TTC7A: variants seen among roughly 807,000 people sequenced by gnomAD.
TTC7A encodes the protein tetratricopeptide repeat protein 7A.
A neutral mutation model predicts 103.7 loss-of-function variants in TTC7A; 110 were observed. The observed-to-expected ratio is 1.06, with a 90% CI of 0.91 to 1.24. The LOEUF is 1.24. Among genes scored for constraint, TTC7A ranks in the 50% most tolerant of loss-of-function variants. TTC7A has a pLI of 0.00. For synonymous variants in TTC7A, 521 were observed against 467.9 expected (o/e 1.11, Z -1.47); for missense variants, 1,340 against 1,116.3 (o/e 1.20, Z -2.86).
intron 18 of TTC7A, among the ~76,000 whole-genome samples, chr2:47,056,509 C>G (rs929448255): frequency 6.6e-6 from 1 of 152,210 alleles, no homozygotes; most frequent in African/African-American, 2.4e-5. Flanking sequence ...GCCCTCCCTG[C>G]AAAGGGGGTG....
At chr2:47,059,327 T>C (rs1683585346) in intron 18 of TTC7A, among the ~76,000 whole-genome samples, 1 of 152,044 alleles carries the variant, frequency 6.6e-6, no homozygotes, top group African/African-American at 2.4e-5. Flanking sequence ...GCCACCTGCA[T>C]TTTTTAAGTA....
intron 11 of TTC7A, among the ~76,000 whole-genome samples, chr2:47,011,761 C>G (rs186734126): frequency 2.6e-5 from 4 of 152,362 alleles, no homozygotes; most frequent in East Asian, 3.9e-4. Flanking sequence ...CTGGACCAGC[C>G]TCATCATTTC....
chr2:46,958,334 G>T (rs895760014), intron 3 of TTC7A, among the ~76,000 whole-genome samples: 1 of 152,238 alleles, frequency 6.6e-6, no homozygotes, highest in Non-Finnish European at 1.5e-5. Flanking sequence ...TCTTGGGGGT[G>T]ATCTGCATTT....
chr2:46,915,946 G>T, upstream of TTC7A: 1 of 985,400 alleles, frequency 1.0e-6, no homozygotes, highest in Non-Finnish European at 1.2e-6. Flanking sequence ...ATCGGCCCGG[G>T]CCCAGCACTG....
chr2:46,994,080 G>A (rs1255315106), intron 6 of TTC7A, among the ~76,000 whole-genome samples: 17 of 152,152 alleles, frequency 1.1e-4, no homozygotes, highest in Admixed American at 1.1e-3. Flanking sequence ...GCTCCAAGGG[G>A]TCAGGAGAGG....
intron 10 of TTC7A, among the ~76,000 whole-genome samples, chr2:47,008,068 G>A (rs953032253): frequency 9.9e-5 from 15 of 152,214 alleles, no homozygotes; most frequent in African/African-American, 3.1e-4. Flanking sequence ...GCCTGGGGTA[G>A]TAGGGACAGG....
At chr2:47,018,451 G>A (rs944794628) in intron 11 of TTC7A, among the ~76,000 whole-genome samples, 1 of 151,874 alleles carries the variant, frequency 6.6e-6, no homozygotes, top group Non-Finnish European at 1.5e-5. Context: ...CAGTGTGGTG[G>A]TGTGTGCCTC....
At position 47,051,815 on chromosome 2, in the gene TTC7A, C is replaced by T. The variant is rs758407638; in HGVS notation, c.2087C>T (p.Ser696Phe). ...GCCATGTCAGAGCTGACTATGCCCTCTTCGGTCCTGAAGCAGGGCCCCATG... is the reference window on the plus strand; with the variant it reads ...GCCATGTCAGAGCTGACTATGCCCTTTTCGGTCCTGAAGCAGGGCCCCATG... ...EEAMSELTMPSSVLKQGPMQL... is the reference protein window; with the variant it reads ...EEAMSELTMPFSVLKQGPMQL... The change falls in exon 18 of 20, where the codon TCT (serine) becomes TTT (phenylalanine). Residue 696 changes from serine (S) to phenylalanine (F), a missense_variant. By Grantham distance (155) the Ser-to-Phe change is radical. Transcript: ENST00000319190. 10 of 1,612,086 alleles carry T rather than the reference C, an allele frequency of 6.2e-6. No homozygotes were observed. The highest frequency in any genetic ancestry group is 2.7e-5 in the African/African-American group (2 of 74,886).
At chr2:46,965,605 A>C (rs964146394) in intron 3 of TTC7A, among the ~76,000 whole-genome samples, 1 of 141,356 alleles carries the variant, frequency 7.1e-6, no homozygotes, top group Non-Finnish European at 1.5e-5. Flanking sequence ...TCTGTTGCCC[A>C]GGCTGGAGTG....
chr2:47,052,002 A>G (rs576350855), intron 18 of TTC7A, 122 bp downstream of exon 18: 1 of 1,305,848 alleles, frequency 7.7e-7, no homozygotes, highest in African/African-American at 1.5e-5. Context: ...CACGCGGGTT[A>G]CAGAGTCCTC....
rs1018226131 is a variant in TTC7A at position 47,022,063 on chromosome 2, C to T, written c.1510+84C>T. On this transcript the variant is annotated intron_variant, in intron 12 of 19. Transcript: ENST00000319190. ...TCAGAGGCATCTTGTCCTACCGGCA[C>T]CCCTCCCCTCAGGCCATGCCTCCAT... 5.2e-6 allele frequency: 5 copies of T among 958,644 alleles called. No homozygotes were observed. In the African/African-American group the frequency reaches 8.1e-5, roughly 16 times the overall value. The allele number at this position is 958,644 out of a possible 1,614,324, so 59.4% of individuals were successfully genotyped here.
chr2:47,018,399 A>G (rs1014451184), intron 11 of TTC7A, among the ~76,000 whole-genome samples: 3 of 152,066 alleles, frequency 2.0e-5, no homozygotes, highest in African/African-American at 7.2e-5. Context: ...CCAGGGCAAC[A>G]TGGTGAAACC....
intron 2 of TTC7A, among the ~76,000 whole-genome samples, chr2:46,928,310 A>C (rs760047058): frequency 6.6e-5 from 10 of 152,060 alleles, no homozygotes; most frequent in Non-Finnish European, 7.4e-5. Context: ...GTGAAAAAAC[A>C]TTACAAAAAA....
chr2:46,930,435 G>GAAAA (rs56691862), intron 2 of TTC7A, among the ~76,000 whole-genome samples: 12 of 120,328 alleles, frequency 1.0e-4, no homozygotes, highest in Non-Finnish European at 1.6e-4. Flanking sequence ...GTATTCCTAG[G>GAAAA]AAAAAAAAAA....
intron 8 of TTC7A, chr2:46,999,927 A>C: frequency 2.0e-6 from 2 of 984,454 alleles, no homozygotes; most frequent in Non-Finnish European, 2.4e-6. Context: ...CTGCAGATTA[A>C]CAGACTTTGT....
chr2:47,048,424 G>C (rs898128087), intron 16 of TTC7A, among the ~76,000 whole-genome samples: 6 of 152,082 alleles, frequency 3.9e-5, no homozygotes, highest in Non-Finnish European at 8.8e-5. Context: ...CCTGCACCAG[G>C]ATCTGCCCAT....
At chr2:46,940,984 G>GGCGCCCCCGGGCGCCGGGGCTCC (rs1670282580), upstream of TTC7A, among the ~76,000 whole-genome samples, 3 of 152,122 alleles carry the variant, frequency 2.0e-5, no homozygotes, top group Admixed American at 2.0e-4. The surrounding 1 kb of genome is among the most constrained non-coding windows in gnomAD (Gnocchi z 4.7). Context: ...CGGGAAGCGA[G>GGCGCCCCCGGGCGCCGGGGCTCC]GCGCCCCCGG....
chr2:46,923,134 C>A (rs905926785), intron 2 of TTC7A, among the ~76,000 whole-genome samples: 5 of 152,232 alleles, frequency 3.3e-5, no homozygotes, highest in African/African-American at 1.2e-4. Flanking sequence ...TCTCATTCAT[C>A]TTCCTGTCAG....
Position 47,051,813 on chromosome 2 carries a change from C to G in TTC7A, c.2085C>G (p.Pro695=), listed in dbSNP as rs139460494. 1.0e-3 allele frequency: 1,624 copies of G among 1,612,150 alleles called. 3 individuals carry two copies. Among genetic ancestry groups the G allele is most frequent in the Middle Eastern group, 1.8e-3 (9 of 4,882 alleles). ...AGGCCATGTCAGAGCTGACTATGCC[C>G]TCTTCGGTCCTGAAGCAGGGCCCCA... ...LEEAMSELTM[P]SSVLKQGPMQ... is the part of the protein sequence containing the mutation. The change falls in exon 18 of 20, where the codon CCC becomes CCG. Residue 695 remains proline, a synonymous_variant. Coordinates refer to ENST00000319190, the MANE Select transcript of TTC7A (RefSeq NM_020458.4).
Sources: allele counts gnomAD v4.1 joint callset (sites outside exome capture counted in the v4.1 genomes callset), GRCh38; gene constraint gnomAD v4.1.1; non-coding constraint Gnocchi (gnomAD v3.1); transcripts MANE v1.5; gene names NCBI Gene and HGNC (gene_info 2026-07-23, HGNC 2026-07-21).